The following EYS variants were observed in gnomAD, a reference collection of about 807,000 sequenced individuals.
The protein encoded by EYS is protein eyes shut homolog.
EYS carries 250 observed loss-of-function variants against 282.1 expected under a neutral mutation model. The ratio of observed to expected loss-of-function variants is 0.89; its 90% confidence interval spans 0.80 to 0.98. The LOEUF is 0.98. Among genes scored for constraint, EYS ranks in the 50% least tolerant of loss-of-function variants. EYS has a pLI of 0.00. For missense variants in EYS, 4,016 were observed against 3,709.0 expected (o/e 1.08, Z -2.15); for synonymous variants, 1,355 against 1,282.9 (o/e 1.06, Z -1.20).
chr6:65,389,932 T>C (rs1345947692), intron 7 of EYS, among the ~76,000 whole-genome samples: 1 of 152,032 alleles, frequency 6.6e-6, no homozygotes, highest in African/African-American at 2.4e-5. Context: ...AATGGGGACC[T>C]GCAGGGGGTA....
chr6:65,234,281 C>G (rs1361966027), intron 12 of EYS, among the ~76,000 whole-genome samples: 2 of 152,128 alleles, frequency 1.3e-5, no homozygotes, highest in Non-Finnish European at 2.9e-5. Flanking sequence ...TACTCCGGCT[C>G]TAAGAGTAAG....
chr6:65,259,527 A>G (rs1365470239), intron 12 of EYS, among the ~76,000 whole-genome samples: 1 of 152,136 alleles, frequency 6.6e-6, no homozygotes, highest in Non-Finnish European at 1.5e-5. Flanking sequence ...GCAAATTTAG[A>G]TAGTAAAATT....
intron 2 of EYS, among the ~76,000 whole-genome samples, chr6:65,621,528 T>C (rs577610672): frequency 4.6e-4 from 69 of 150,594 alleles, no homozygotes; most frequent in African/African-American, 1.6e-3. Flanking sequence ...CTGTGTCTTT[T>C]AATTGGACCA....
chr6:64,277,441 AC>A (rs1396706585), intron 30 of EYS, among the ~76,000 whole-genome samples: 1 of 152,122 alleles, frequency 6.6e-6, no homozygotes, highest in African/African-American at 2.4e-5. Context: ...TGTAAGATAA[AC>A]CTAAACCTGT....
At chr6:64,299,945 T>C (rs1030689883) in intron 30 of EYS, among the ~76,000 whole-genome samples, 1 of 152,034 alleles carries the variant, frequency 6.6e-6, no homozygotes, top group African/African-American at 2.4e-5. Flanking sequence ...ACCACCTCCT[T>C]GTCCCTCAGA....
intron 26 of EYS, among the ~76,000 whole-genome samples, chr6:64,505,706 T>G (rs1413796650): frequency 6.6e-5 from 10 of 152,196 alleles, no homozygotes; most frequent in African/African-American, 2.4e-4. Context: ...ACATATCAAT[T>G]AAACTCTTTA....
At chr6:63,941,150 A>C (rs1451168062) in intron 35 of EYS, among the ~76,000 whole-genome samples, 3 of 152,238 alleles carry the variant, frequency 2.0e-5, no homozygotes, top group Admixed American at 1.3e-4. Context: ...ACATACGTGC[A>C]CATGTGTCTT....
intron 31 of EYS, among the ~76,000 whole-genome samples, chr6:64,127,997 G>C (rs1773841227): frequency 6.6e-6 from 1 of 151,966 alleles, no homozygotes; most frequent in Admixed American, 6.6e-5. Flanking sequence ...CATGAAAATT[G>C]GCATCTAACA....
At chr6:64,015,863 C>A (rs1160720307) in intron 33 of EYS, among the ~76,000 whole-genome samples, 1 of 152,190 alleles carries the variant, frequency 6.6e-6, no homozygotes, top group Non-Finnish European at 1.5e-5. Context: ...CAAATAGAGA[C>A]AGCAAGTAAT....
intron 31 of EYS, among the ~76,000 whole-genome samples, chr6:64,106,696 T>C (rs1328032040): frequency 6.6e-6 from 1 of 151,958 alleles, no homozygotes; most frequent in African/African-American, 2.4e-5. Flanking sequence ...TTGGGCTTCC[T>C]GGGTTTGCGG....
At chr6:64,219,333 G>T (rs555696202) in intron 31 of EYS, among the ~76,000 whole-genome samples, 1 of 152,296 alleles carries the variant, frequency 6.6e-6, no homozygotes, top group South Asian at 2.1e-4. Flanking sequence ...GATATTCCCA[G>T]GTTGTCACAA....
At chr6:65,227,184 T>A (rs1397052241) in intron 12 of EYS, among the ~76,000 whole-genome samples, 2 of 150,190 alleles carry the variant, frequency 1.3e-5, no homozygotes, top group African/African-American at 2.4e-5. Context: ...CAAGAAGTAC[T>A]GATACATGTT....
In EYS at chr6:64,593,300, T is replaced by C. The variant is rs190009374; in HGVS notation, c.3694A>G (p.Ile1232Val). 5.2e-6 allele frequency: 8 copies of C among 1,549,610 alleles called. No homozygotes were observed. The highest frequency in any genetic ancestry group is 1.2e-5 in the South Asian group (1 of 83,784). ...LCTPGFMTCS[I>V]GLLCGDEIRR... ...ATTTCATCACCACAAAGAAGCCCAATGGAGCAGGTCTGCAAATGACAATTA... is the reference window on the plus strand; with the variant it reads ...ATTTCATCACCACAAAGAAGCCCAACGGAGCAGGTCTGCAAATGACAATTA... The change falls in exon 25 of 43, where the codon ATT (isoleucine) becomes GTT (valine). Residue 1232 changes from isoleucine (I) to valine (V), a missense_variant. Physicochemically the swap from Ile to Val is conservative, Grantham distance 29. Transcript: ENST00000503581.
chr6:65,193,234 G>C (rs560706), intron 12 of EYS, among the ~76,000 whole-genome samples: 13,290 of 151,758 alleles, frequency 0.088, 1,299 homozygotes, highest in African/African-American at 0.24. Flanking sequence ...AGCTAAAGTA[G>C]ATAAATTTTA....
chr6:64,761,712 C>T (rs1384955472), intron 22 of EYS, among the ~76,000 whole-genome samples: 3 of 152,134 alleles, frequency 2.0e-5, no homozygotes, highest in Non-Finnish European at 4.4e-5. Flanking sequence ...ACCTCGGCCT[C>T]CCAAAGTGCT....
intron 12 of EYS, among the ~76,000 whole-genome samples, chr6:65,207,361 G>GAAA (rs67058673): frequency 6.8e-6 from 1 of 147,508 alleles, no homozygotes; most frequent in African/African-American, 2.5e-5. Flanking sequence ...AGACACTGAT[G>GAAA]AAAAAAAAAA....
intron 22 of EYS, among the ~76,000 whole-genome samples, chr6:64,739,701 A>T (rs566202545): frequency 2.6e-5 from 4 of 152,290 alleles, no homozygotes; most frequent in South Asian, 2.1e-4. Context: ...GAATAATATT[A>T]AAAAATTTCT....
At chr6:65,695,955 C>T (rs1327584028) in intron 1 of EYS, among the ~76,000 whole-genome samples, 1 of 151,796 alleles carries the variant, frequency 6.6e-6, no homozygotes, top group Non-Finnish European at 1.5e-5. Context: ...CAAATTTGGT[C>T]TAAAATAATT....
At chr6:65,063,534 GCT>G (rs1317642571) in intron 12 of EYS, among the ~76,000 whole-genome samples, 20 of 152,132 alleles carry the variant, frequency 1.3e-4, no homozygotes, top group South Asian at 6.2e-4. Context: ...CAGAGCAGTA[GCT>G]CTTTCACTTA....
Sources: gnomAD v4.1 joint callset for allele counts (sites outside exome capture counted in the v4.1 genomes callset) on GRCh38, gnomAD v4.1.1 for gene constraint, MANE v1.5 for transcripts, NCBI Gene and HGNC (gene_info 2026-07-23, HGNC 2026-07-21) for gene names.